Variants in ARHGAP6 observed in about 807,000 individuals in gnomAD.
ARHGAP6 encodes the protein Rho GTPase activating protein 6, also known as rho GTPase-activating protein 6.
Under a neutral mutation model 55.7 loss-of-function variants are expected in ARHGAP6, and 16 were observed. The observed-to-expected ratio is 0.29, with a 90% confidence interval of 0.19 to 0.44. The LOEUF is 0.44. Among genes scored for constraint, ARHGAP6 ranks in the 20% least tolerant of loss-of-function variants. ARHGAP6 has a pLI of 1.00. For missense variants in ARHGAP6, 698 were observed against 808.9 expected, an observed-to-expected ratio of 0.86 and a Z score of 1.66; for synonymous variants, 382 against 360.9, an observed-to-expected ratio of 1.06 and a Z score of -0.66.
intron 1 of ARHGAP6, chrX:11,318,758 A>G (rs1453076722): frequency 8.8e-6 from 1 of 113,707 alleles, no homozygotes; most frequent in African/African-American, 3.2e-5. Flanking sequence ...TGAAAAATGG[A>G]CCAATATGTA....
intron 1 of ARHGAP6, among the ~76,000 whole-genome samples, chrX:11,571,886 A>C (rs2051522972): frequency 9.1e-6 from 1 of 109,363 alleles, no homozygotes; most frequent in Non-Finnish European, 1.9e-5. Context: ...CCTGTCTCAA[A>C]AATAAAAAAT....
intron 1 of ARHGAP6, among the ~76,000 whole-genome samples, chrX:11,625,647 T>C (rs929745409): frequency 5.4e-5 from 6 of 111,719 alleles, no homozygotes. Flanking sequence ...TTAACAGTAA[T>C]TTGTTATATA....
chrX:11,489,974 CCAGGCACCAGA>C (rs1301093098), intron 1 of ARHGAP6, among the ~76,000 whole-genome samples: 1 of 111,028 alleles, frequency 9.0e-6, no homozygotes, highest in Non-Finnish European at 1.9e-5. Flanking sequence ...GAATTCGAAA[CCAGGCACCAGA>C]CAGGCATCAG....
rs113658072 is a variant in ARHGAP6, at chrX:11,504,056, TGGG to T, written c.588+160182_588+160184del. 2.8e-4 allele frequency among the ~76,000 whole-genome samples: 31 copies of T among 108,957 alleles called. 1 individual carries two copies. The highest frequency in any genetic ancestry group is 2.8e-3 in the Admixed American group (28 of 10,125). 94.6% of individuals were successfully genotyped at this position (108,957 alleles called of 115,157 possible). On this transcript the variant is annotated intron_variant, in intron 1 of 12. Transcript: ENST00000337414. The stretch of plus-strand genomic sequence containing the variant: ...GATGGAGTTATGTATCAATTTTTTT[TGGG>T]GGGGGGCTACCCAAGAACTGTTTCT...
chrX:11,510,313 T>C (rs761976938), intron 1 of ARHGAP6, among the ~76,000 whole-genome samples: 1 of 111,407 alleles, frequency 9.0e-6, no homozygotes, highest in East Asian at 2.8e-4. Flanking sequence ...GTGAGTGTGA[T>C]AGGCGGCACC....
At chrX:11,596,813 A>G (rs1336248962) in intron 1 of ARHGAP6, among the ~76,000 whole-genome samples, 1 of 111,445 alleles carries the variant, frequency 9.0e-6, no homozygotes, top group African/African-American at 3.3e-5. Flanking sequence ...GATCATAGCC[A>G]TTTTCCTGGC....
In ARHGAP6 at chrX:11,181,925, AATTAT is replaced by A; in HGVS notation, c.1329+133_1329+137del. 6.2e-6 allele frequency: 3 copies of A among 480,903 alleles called. No individual in the cohort carries two copies. The South Asian group carries it at 9.2e-5, about 15-fold the overall frequency. The allele number at this position is 480,903 out of a possible 1,213,427, so 39.6% of individuals were successfully genotyped here. On this transcript the variant is annotated intron_variant, in intron 6 of 12. Transcript: ENST00000337414. ...TGTTGCCTTTTACCTCCTGGAATTC[AATTAT>A]ATTATAATAGCTTGGAGGGTAAAAA...
At position 11,181,048 on chromosome X, in the gene ARHGAP6, A is replaced by G. The variant is rs759034980; in HGVS notation, c.1329+1015T>C. Among the ~76,000 whole-genome samples the G allele has an allele frequency of 5.3e-5, 6 of 112,383 alleles. No homozygotes were observed. In the East Asian group the frequency reaches 1.1e-3, roughly 21 times the overall value. ...GGCTACACTCACAGCCGGTTGGCAGATTCAGTGAGATAATATTTGTAAAAA... is the reference window on the plus strand; with the variant it reads ...GGCTACACTCACAGCCGGTTGGCAGGTTCAGTGAGATAATATTTGTAAAAA... On this transcript the variant is annotated intron_variant, in intron 6 of 12. Coordinates refer to ENST00000337414, the MANE Select transcript of ARHGAP6 (RefSeq NM_013427.3).
At chrX:11,627,639 T>G (rs1408948548) in intron 1 of ARHGAP6, among the ~76,000 whole-genome samples, 1 of 111,693 alleles carries the variant, frequency 9.0e-6, no homozygotes, top group Non-Finnish European at 1.9e-5. Flanking sequence ...GGAACCCACA[T>G]CTGGCTTCAA....
chrX:11,210,508 A>C (rs1236677384), intron 2 of ARHGAP6, among the ~76,000 whole-genome samples: 1 of 112,570 alleles, frequency 8.9e-6, no homozygotes, highest in Non-Finnish European at 1.9e-5. Context: ...AAGAATGATA[A>C]TTCAGCCTCA....
At chrX:11,477,928 T>C (rs2050419815) in intron 1 of ARHGAP6, among the ~76,000 whole-genome samples, 1 of 111,914 alleles carries the variant, frequency 8.9e-6, no homozygotes, top group African/African-American at 3.2e-5. Context: ...TACATGGATA[T>C]ATATACCTGC....
chrX:11,263,671 G>A (rs2047589359), intron 1 of ARHGAP6, among the ~76,000 whole-genome samples: 1 of 111,192 alleles, frequency 9.0e-6, no homozygotes, highest in Admixed American at 9.6e-5. Flanking sequence ...GGCAGGTTTT[G>A]GGAGCCCAGC....
intron 1 of ARHGAP6, chrX:11,300,598 T>C: frequency 8.4e-7 from 1 of 1,194,318 alleles, no homozygotes; most frequent in Non-Finnish European, 1.1e-6. Flanking sequence ...CTTTTGCAAT[T>C]TTTTTCAGGA....
intron 1 of ARHGAP6, among the ~76,000 whole-genome samples, chrX:11,463,828 G>A (rs1320862975): frequency 3.6e-5 from 4 of 112,192 alleles, no homozygotes; most frequent in Non-Finnish European, 5.6e-5. Context: ...TTTAGTGTTC[G>A]AAGTCATACA....
intron 1 of ARHGAP6, among the ~76,000 whole-genome samples, chrX:11,270,988 C>T (rs1022727005): frequency 9.0e-6 from 1 of 111,565 alleles, no homozygotes; most frequent in African/African-American, 3.3e-5. Flanking sequence ...TACCACACTG[C>T]AGAGAATGGT....
At chrX:11,202,048 G>C (rs1341326541) in intron 2 of ARHGAP6, among the ~76,000 whole-genome samples, 1 of 30,161 alleles carries the variant, frequency 3.3e-5, no homozygotes, top group African/African-American at 1.2e-4. Context: ...TGTGTGTGTA[G>C]CCTGGTCCAC....
intron 1 of ARHGAP6, among the ~76,000 whole-genome samples, chrX:11,557,074 G>C (rs776013386): frequency 8.9e-6 from 1 of 112,065 alleles, no homozygotes; most frequent in Non-Finnish European, 1.9e-5. Flanking sequence ...ACTGAGCTTC[G>C]ATAAAATTAA....
At chrX:11,364,060 G>A (rs1282101932) in intron 1 of ARHGAP6, among the ~76,000 whole-genome samples, 1 of 111,773 alleles carries the variant, frequency 8.9e-6, no homozygotes, top group African/African-American at 3.3e-5. Flanking sequence ...CAGCAACACG[G>A]ATGGAACTAG....
At chrX:11,572,174 CT>C (rs1338488369) in intron 1 of ARHGAP6, among the ~76,000 whole-genome samples, 15 of 110,716 alleles carry the variant, frequency 1.4e-4, no homozygotes, top group Admixed American at 7.7e-4. Flanking sequence ...AATGAGGTTT[CT>C]TTTTTTTATT....
Sources: gnomAD v4.1 joint callset for allele counts (sites outside exome capture counted in the v4.1 genomes callset) on GRCh38, gnomAD v4.1.1 for gene constraint, MANE v1.5 for transcripts, NCBI Gene and HGNC (gene_info 2026-07-23, HGNC 2026-07-21) for gene names.